The following MUC5B variants were observed in gnomAD, a reference collection of about 807,000 sequenced individuals.
MUC5B encodes the protein mucin 5B, oligomeric mucus/gel-forming, also known as mucin-5B.
A neutral mutation model predicts 376.9 loss-of-function variants in MUC5B; 116 were observed. The ratio of observed to expected loss-of-function variants is 0.31; its 90% confidence interval spans 0.26 to 0.36. MUC5B has a LOEUF of 0.36. Ranked by LOEUF, MUC5B falls within the 10% of genes least tolerant of loss-of-function variation. The pLI is 1.00. For synonymous variants in MUC5B, 3,517 were observed against 3,390.9 expected, an observed-to-expected ratio of 1.04 and a Z score of -1.29; for missense variants, 7,165 against 7,769.9, an observed-to-expected ratio of 0.92 and a Z score of 2.93.
Position 1,234,173 on chromosome 11 carries a change from C to T in MUC5B, c.2378-32C>T. 6.4e-7 allele frequency: 1 copy of T among 1,550,656 alleles called. No homozygotes were observed. Among genetic ancestry groups the T allele is most frequent in the East Asian group, 2.3e-5 (1 of 42,688 alleles). ...AGTTGAGGGCCGTGGCTGCCCTTCC[C>T]CAGGACCCCTCCCACCAAGCTCTGT... On this transcript the variant is annotated intron_variant, in intron 19 of 48. Coordinates refer to ENST00000529681, the MANE Select transcript of MUC5B (RefSeq NM_002458.3). This position sits in a 1 kb window ranked among gnomAD's most constrained non-coding sequence, Gnocchi z 6.3.
In MUC5B at chr11:1,241,931, C is replaced by G; in HGVS notation, c.5051C>G (p.Thr1684Ser). The G allele has an allele frequency of 6.2e-7, 1 of 1,608,760 alleles. No individual in the cohort carries two copies. The highest frequency in any genetic ancestry group is 2.2e-5 in the East Asian group (1 of 44,512). ...PTTPAGSTEP[T>S]VPGVATSTLP... ...ACGCCTGCAGGCTCCACAGAACCCACTGTCCCAGGGGTGGCCACATCCACC... is the reference window on the plus strand; with the variant it reads ...ACGCCTGCAGGCTCCACAGAACCCAGTGTCCCAGGGGTGGCCACATCCACC... Residue 1684 changes from threonine to serine, a missense_variant, in exon 31 of 49, where the codon ACT (threonine) becomes AGT (serine). This residue lies in a region of MUC5B where 897 missense variants were observed against 779.6 expected (regional missense o/e 1.15). Coordinates refer to ENST00000529681, the MANE Select transcript of MUC5B (RefSeq NM_002458.3).
intron 1 of MUC5B, among the ~76,000 whole-genome samples, chr11:1,223,861 C>G (rs928060990): frequency 6.6e-6 from 1 of 152,226 alleles, no homozygotes; most frequent in African/African-American, 2.4e-5. Context: ...CAGGGGCCAC[C>G]GGGAGACACC....
chr11:1,233,769 G>T (rs1301167251), intron 18 of MUC5B, 24 bp from the exon 19 acceptor site: 4 of 1,594,672 alleles, frequency 2.5e-6, no homozygotes, highest in Non-Finnish European at 3.4e-6. Context: ...CGCAGATCCA[G>T]GCTGTGCCGT....
rs770874213 is a variant in MUC5B at position 1,260,694 on chromosome 11, A to G, written c.17035A>G (p.Thr5679Ala). ...GGGCTGCGAGACCGAGGTCAACATC[A>G]CCTTCTGCGAGGGCTCCTGCCCCGG... Reference protein sequence around the residue: ...HQGCETEVNITFCEGSCPGAS... With the variant: ...HQGCETEVNIAFCEGSCPGAS... Residue 5679 changes from threonine to alanine, a missense_variant, in exon 48 of 49, where the codon ACC (threonine) becomes GCC (alanine). Physicochemically the swap from Thr to Ala is moderately conservative, Grantham distance 58. Transcript: ENST00000529681. 1 of 1,612,040 alleles carries G rather than the reference A, an allele frequency of 6.2e-7. No homozygotes were observed. Among genetic ancestry groups the G allele is most frequent in the South Asian group, 1.1e-5 (1 of 90,928 alleles).
Position 1,234,239 on chromosome 11 carries a change from C to T in MUC5B, c.2412C>T (p.Ser804=). ...CCCCCATGGTGTACCTGGACTGCAG[C>T]AACAGCTCGGCGGGCACCCCTGGGG... ...CAAPMVYLDC[S]NSSAGTPGAE... The change falls in exon 20 of 49, where the codon AGC becomes AGT. Residue 804 remains serine, a synonymous_variant. Transcript: ENST00000529681. This position sits in a 1 kb window ranked among gnomAD's most constrained non-coding sequence, Gnocchi z 6.3. The T allele has an allele frequency of 6.2e-7, 1 of 1,606,784 alleles. No homozygotes were observed. Among genetic ancestry groups the T allele is most frequent in the Non-Finnish European group, 8.5e-7 (1 of 1,178,376 alleles).
Position 1,248,598 on chromosome 11 carries a change from C to G in MUC5B, c.11718C>G (p.Pro3906=), listed in dbSNP as rs778900137. 25 of 1,613,038 alleles carry G rather than the reference C, an allele frequency of 1.5e-5. No individual in the cohort carries two copies. Among genetic ancestry groups the G allele is most frequent in the Non-Finnish European group, 2.0e-5 (24 of 1,179,464 alleles). Residue 3906 remains proline, a synonymous_variant, in exon 31 of 49, where the codon CCC becomes CCG. Transcript: ENST00000529681. ...CAACCAGTGGCTCCACGGTGACCCC[C>G]TCCTCCGTCCCGGGGACCACCCACA... The part of the protein sequence containing the change: ...TPTTSGSTVT[P]SSVPGTTHTP...
intron 32 of MUC5B, 135 bp from the exon 33 acceptor site, chr11:1,252,674 A>G (rs555255231): frequency 7.2e-7 from 1 of 1,391,702 alleles, no homozygotes; most frequent in Admixed American, 2.4e-5. Flanking sequence ...CCTAGGGGCC[A>G]GGCTAGCATG....
At position 1,226,719 on chromosome 11, in the gene MUC5B, G is replaced by A. The variant is rs1049302560; in HGVS notation, c.304G>A (p.Val102Met). Residue 102 changes from valine to methionine, a missense_variant, in exon 4 of 49, where the codon GTG becomes ATG. Physicochemically the swap from Val to Met is conservative, Grantham distance 21. Around this residue, in one of 31 missense-constraint regions of MUC5B, gnomAD observed 640 missense variants for 733.0 expected, o/e 0.87. Transcript: ENST00000529681. ...VFRFPGLCNY[V>M]FSEHCRAAYE... ...CCGCTTCCCTGGCCTTTGCAACTAC[G>A]TGTTCTCTGAGCACTGCCGCGCCGC... 6 of 1,612,650 alleles carry A rather than the reference G, an allele frequency of 3.7e-6. No homozygotes were observed. The highest frequency in any genetic ancestry group is 1.3e-5 in the African/African-American group (1 of 74,924).
rs1241297450 is a variant in MUC5B, at chr11:1,251,042, C to G, written c.14162C>G (p.Ser4721Cys). ...GCCACCACACCCGCAGCCACCAGCT[C>G]CAAAGCCACTTCCTCCTCCAGTCCA... ...STATTPAATS[S>C]KATSSSSPRT... The change falls in exon 31 of 49, where the codon TCC becomes TGC. Residue 4721 changes from serine to cysteine, a missense_variant. Physicochemically the swap from Ser to Cys is moderately radical, Grantham distance 112 (BLOSUM62 -1). Transcript: ENST00000529681. 1 of 1,611,476 alleles carries G rather than the reference C, an allele frequency of 6.2e-7. No individual in the cohort carries two copies. Among genetic ancestry groups the G allele is most frequent in the Non-Finnish European group, 8.5e-7 (1 of 1,178,292 alleles).
rs369822388 is a variant in MUC5B at position 1,240,233 on chromosome 11, C to T, written c.3828C>T (p.Asn1276=). ...RTYSYQDVIY[N]TTDGLGACLI... ...ACAGCTACCAGGACGTCATCTACAACACCACCGATGGGCTTGGCGCCTGCT... is the reference window on the plus strand; with the variant it reads ...ACAGCTACCAGGACGTCATCTACAATACCACCGATGGGCTTGGCGCCTGCT... The change falls in exon 30 of 49, where the codon AAC becomes AAT. Residue 1276 remains asparagine, a synonymous_variant. Transcript: ENST00000529681. 4 of 1,613,406 alleles carry T rather than the reference C, an allele frequency of 2.5e-6. No homozygotes were observed. The highest frequency in any genetic ancestry group is 1.1e-5 in the South Asian group (1 of 91,062).
chr11:1,256,572 C>A, intron 38 of MUC5B, 99 bp from the exon 39 acceptor site: 1 of 617,860 alleles, frequency 1.6e-6, no homozygotes, highest in East Asian at 3.4e-5. Context: ...CCATTCATCT[C>A]CTTCCCTGCT....
At position 1,251,711 on chromosome 11, in the gene MUC5B, T is replaced by G. The variant is rs1290848030; in HGVS notation, c.14831T>G (p.Phe4944Cys). The change falls in exon 31 of 49, where the codon TTC becomes TGC. Residue 4944 changes from phenylalanine (F) to cysteine (C), a missense_variant. Coordinates refer to ENST00000529681, the MANE Select transcript of MUC5B (RefSeq NM_002458.3). The part of the protein sequence containing the change: ...FPSSHFSTPC[F>C]CRAFGQFFSP... The stretch of plus-strand genomic sequence containing the variant: ...AGCTCCCACTTCTCTACTCCCTGCT[T>G]CTGCAGGGCATTTGGACAGTTTTTC... 6.2e-7 allele frequency: 1 copy of G among 1,608,816 alleles called. No homozygotes were observed.
rs55745110 is a variant in MUC5B, at chr11:1,257,731, G to A, written c.16450+21G>A. 18,435 of 1,528,802 alleles carry A rather than the reference G, an allele frequency of 0.012. 129 individuals are homozygous for A. Among genetic ancestry groups the A allele is most frequent in the Non-Finnish European group, 0.014 (16,286 of 1,141,760 alleles). The allele number at this position is 1,528,802 out of a possible 1,614,324, so 94.7% of individuals were successfully genotyped here. On this transcript the variant is annotated intron_variant, in intron 41 of 48. Transcript: ENST00000529681. This position sits in a 1 kb window ranked among gnomAD's most constrained non-coding sequence, Gnocchi z 8.9. ...GTGCGGTAAGACGCTGCAGAGCAGA[G>A]GTGCCCGGCATAGGGTGAGGGGGGA...
At position 1,240,261 on chromosome 11, in the gene MUC5B, A is replaced by G; in HGVS notation, c.3856A>G (p.Ile1286Val). ...NTTDGLGACL[I>V]AICGSNGTII... ...CACCGATGGGCTTGGCGCCTGCTTG[A>G]TCGCCATCTGCGGAAGCAACGGCAC... Residue 1286 changes from isoleucine (I) to valine (V), a missense_variant, in exon 30 of 49, where the codon ATC (isoleucine) becomes GTC (valine). Coordinates refer to ENST00000529681, the MANE Select transcript of MUC5B (RefSeq NM_002458.3). The G allele has an allele frequency of 6.2e-7, 1 of 1,613,682 alleles. No individual in the cohort carries two copies. Among genetic ancestry groups the G allele is most frequent in the Non-Finnish European group, 8.5e-7 (1 of 1,179,700 alleles).
rs1414180156 is a variant in MUC5B, at chr11:1,243,779, G to T, written c.6899G>T (p.Ser2300Ile). 1 of 1,611,704 alleles carries T rather than the reference G, an allele frequency of 6.2e-7. No individual in the cohort carries two copies. The highest frequency in any genetic ancestry group is 2.2e-5 in the East Asian group (1 of 44,866). ...CGCACCTCGACCCTGCTGCCCAGCA[G>T]CCCCACATCGGCCCCCATAACCACG... ...KTRTSTLLPS[S>I]PTSAPITTVV... The change falls in exon 31 of 49, where the codon AGC becomes ATC. Residue 2300 changes from serine (S) to isoleucine (I), a missense_variant. Transcript: ENST00000529681.
chr11:1,239,465 A>G lies in MUC5B; in HGVS notation c.3482A>G (p.His1161Arg). ...TTGTTCTGTGACTTCTACAACCCAC[A>G]TGGGGGCTGTGAGTGGCACTACCAG... ...CPLFCDFYNP[H>R]GGCEWHYQPC... The change falls in exon 27 of 49, where the codon CAT (histidine) becomes CGT (arginine). Residue 1161 changes from histidine to arginine, a missense_variant. This residue lies in a region of MUC5B where 517 missense variants were observed against 545.3 expected (regional missense o/e 0.95). Coordinates refer to ENST00000529681, the MANE Select transcript of MUC5B (RefSeq NM_002458.3). 2 of 1,608,304 alleles carry G rather than the reference A, an allele frequency of 1.2e-6. No individual in the cohort carries two copies. Among genetic ancestry groups the G allele is most frequent in the Non-Finnish European group, 1.7e-6 (2 of 1,176,460 alleles).
rs151023614 is a variant in MUC5B at position 1,230,547 on chromosome 11, GACA to G, written c.1420_1422del (p.Asn474del). 8.6e-5 allele frequency: 138 copies of G among 1,611,898 alleles called. No homozygotes were observed. The highest frequency in any genetic ancestry group is 1.5e-4 in the African/African-American group (11 of 75,072). ...TGAGCTGCGGAAGTGCGGCCTGACG[GACA>G]ACGAGAACTGCCTGAAAGCGGTGAC... On this transcript the variant is annotated inframe_deletion, in exon 12 of 49. Coordinates refer to ENST00000529681, the MANE Select transcript of MUC5B (RefSeq NM_002458.3).
Position 1,251,083 on chromosome 11 carries a change from C to T in MUC5B, c.14203C>T (p.Leu4735Phe). ...SSSSPRTATT[L>F]PVLTSTATKS... Reference sequence around the variant, plus strand: ...CTCCAGTCCAAGGACTGCAACCACCCTTCCAGTGCTGACAAGCACAGCCAC... The same window carrying T: ...CTCCAGTCCAAGGACTGCAACCACCTTTCCAGTGCTGACAAGCACAGCCAC... Residue 4735 changes from leucine to phenylalanine, a missense_variant, in exon 31 of 49, where the codon CTT (leucine) becomes TTT (phenylalanine). This residue lies in a region of MUC5B where 730 missense variants were observed against 592.7 expected (regional missense o/e 1.23). Coordinates refer to ENST00000529681, the MANE Select transcript of MUC5B (RefSeq NM_002458.3). 7 of 1,611,348 alleles carry T rather than the reference C, an allele frequency of 4.3e-6. No homozygotes were observed. The highest frequency in any genetic ancestry group is 4.2e-6 in the Non-Finnish European group (5 of 1,178,244).
intron 27 of MUC5B, 105 bp from the exon 28 acceptor site, chr11:1,239,694 G>A (rs1341883381): frequency 3.4e-6 from 5 of 1,488,398 alleles, no homozygotes; most frequent in Non-Finnish European, 4.5e-6. Context: ...TTGAGGGCAG[G>A]CCCCTGCTGG....
Sources: gnomAD v4.1 joint callset for allele counts (sites outside exome capture counted in the v4.1 genomes callset) on GRCh38, gnomAD v4.1.1 for gene constraint, gnomAD v4.1.1 regional missense constraint, Gnocchi (gnomAD v3.1) non-coding constraint, MANE v1.5 for transcripts, NCBI Gene and HGNC (gene_info 2026-07-23, HGNC 2026-07-21) for gene names.